The following GRM7 variants were observed in gnomAD, a reference collection of about 807,000 sequenced individuals.
GRM7 encodes the protein metabotropic glutamate receptor 7.
Under a neutral mutation model 84.5 loss-of-function variants are expected in GRM7, and 35 were observed. The ratio of observed to expected loss-of-function variants is 0.41; its 90% CI spans 0.32 to 0.55. The LOEUF (loss-of-function observed/expected upper bound fraction) is 0.55. Ranked by LOEUF, GRM7 falls within the 20% of genes least tolerant of loss-of-function variation. The pLI, the probability that GRM7 is intolerant of heterozygous loss-of-function variation, is 0.19. For missense variants in GRM7, 1,003 were observed against 1,194.6 expected (o/e 0.84, Z 2.36); for synonymous variants, 487 against 455.1 (o/e 1.07, Z -0.89).
At chr3:7,255,462 C>T (rs1235892474) in intron 2 of GRM7, among the ~76,000 whole-genome samples, 1 of 152,188 alleles carries the variant, frequency 6.6e-6, no homozygotes, top group Non-Finnish European at 1.5e-5. Flanking sequence ...ATTGCTTTGA[C>T]AATCCAAACA....
chr3:6,873,402 G>A (rs1021242599), intron 1 of GRM7, among the ~76,000 whole-genome samples: 3 of 152,152 alleles, frequency 2.0e-5, no homozygotes, highest in Non-Finnish European at 4.4e-5. Context: ...TATATATACA[G>A]TATAGCATAG....
In GRM7 at chr3:7,215,620, G is replaced by A. The variant is rs1449254740; in HGVS notation, c.736+68952G>A. Among the ~76,000 whole-genome samples, 10 of 151,992 alleles carry A rather than the reference G, an allele frequency of 6.6e-5. 1 individual carries two copies. The East Asian group carries it at 1.6e-3, about 24-fold the overall frequency. On this transcript the variant is annotated intron_variant, in intron 2 of 9. Transcript: ENST00000357716. The stretch of plus-strand genomic sequence containing the variant: ...GCGGAGCTTGCAGTGAGCTGAGATC[G>A]CGCCACTGCACTCCAGCCTGGGCGA...
chr3:7,556,881 A>G (rs1239205515), intron 7 of GRM7, among the ~76,000 whole-genome samples: 3 of 152,156 alleles, frequency 2.0e-5, no homozygotes, highest in Non-Finnish European at 4.4e-5. Flanking sequence ...CATGAGAGAG[A>G]GCAGAATATG....
intron 7 of GRM7, among the ~76,000 whole-genome samples, chr3:7,545,724 G>A (rs777605444): frequency 6.6e-6 from 1 of 152,180 alleles, no homozygotes; most frequent in African/African-American, 2.4e-5. Flanking sequence ...AGAGAAAGAA[G>A]AAGGCAATTT....
intron 7 of GRM7, among the ~76,000 whole-genome samples, chr3:7,559,959 G>A (rs144804506): frequency 1.2e-3 from 183 of 152,040 alleles, no homozygotes; most frequent in African/African-American, 4.4e-3. Flanking sequence ...TTGGATTAGG[G>A]CCCCACCTGT....
Position 7,687,395 on chromosome 3 carries a change from G to A in GRM7, c.2698+7100G>A, listed in dbSNP as rs370423399. On this transcript the variant is annotated intron_variant, in intron 9 of 9. Coordinates refer to ENST00000357716, the MANE Select transcript of GRM7 (RefSeq NM_000844.4). ...TGTTTCAGCCTAAGCAATATTACAC[G>A]ACAGTGGAAAACAACACTTGCTATG... Among the ~76,000 whole-genome samples, 26 of 152,262 alleles carry A rather than the reference G, an allele frequency of 1.7e-4. No homozygotes were observed. In the South Asian group the frequency reaches 5.0e-3, roughly 29 times the overall value.
chr3:7,151,699 G>GA lies in GRM7; in HGVS notation c.736+5037dup, dbSNP rs911940903. On this transcript the variant is annotated intron_variant, in intron 2 of 9. Transcript: ENST00000357716. The surrounding 1 kb of genome is among the most constrained non-coding windows in gnomAD (Gnocchi z 4.5). The stretch of plus-strand genomic sequence containing the variant: ...TGTGTTTTTCCCCTTTGCCCTTTAG[G>GA]AAAAAAGGAAGCATGTAGAGAAACA... 6.6e-6 allele frequency among the ~76,000 whole-genome samples: 1 copy of GA among 151,864 alleles called. No homozygotes were observed. The highest frequency in any genetic ancestry group is 1.5e-5 in the Non-Finnish European group (1 of 67,976).
intron 1 of GRM7, among the ~76,000 whole-genome samples, chr3:7,135,686 T>C (rs921711319): frequency 4.0e-5 from 6 of 150,372 alleles, no homozygotes; most frequent in Non-Finnish European, 7.4e-5. Context: ...AAGAATATAA[T>C]ATAAAAAAAT....
At chr3:7,304,100 A>G (rs2125029965) in intron 3 of GRM7, among the ~76,000 whole-genome samples, 1 of 152,218 alleles carries the variant, frequency 6.6e-6, no homozygotes, top group South Asian at 2.1e-4. Context: ...AGTGATTTAC[A>G]ACAAATAGCT....
At chr3:6,872,088 G>A (rs1195738699) in intron 1 of GRM7, among the ~76,000 whole-genome samples, 2 of 152,126 alleles carry the variant, frequency 1.3e-5, no homozygotes, top group African/African-American at 4.8e-5. Context: ...GACATGGAAA[G>A]GAAATGTTAC....
In GRM7 at chr3:7,021,951, T is replaced by C. The variant is rs151146873; in HGVS notation, c.520-124501T>C. ...TTACTACACTAAGGGCTTTTTCATA[T>C]AGAAATAAATTACACACAGTATGAA... On this transcript the variant is annotated intron_variant, in intron 1 of 9. Coordinates refer to ENST00000357716, the MANE Select transcript of GRM7 (RefSeq NM_000844.4). Among the ~76,000 whole-genome samples, 49 of 152,308 alleles carry C rather than the reference T, an allele frequency of 3.2e-4. No homozygotes were observed. The East Asian group carries it at 9.3e-3, about 29-fold the overall frequency.
chr3:7,439,207 A>T (rs1412051676), intron 5 of GRM7, among the ~76,000 whole-genome samples: 1 of 152,178 alleles, frequency 6.6e-6, no homozygotes. Context: ...GACAATGACC[A>T]CTTTTTTTCC....
intron 9 of GRM7, among the ~76,000 whole-genome samples, chr3:7,694,661 A>T (rs981178722): frequency 5.9e-5 from 9 of 152,196 alleles, no homozygotes; most frequent in African/African-American, 1.7e-4. Context: ...TTTTCATTTA[A>T]TTTCATAACA....
intron 2 of GRM7, among the ~76,000 whole-genome samples, chr3:7,286,631 AC>A (rs901060723): frequency 2.6e-5 from 4 of 152,068 alleles, no homozygotes; most frequent in African/African-American, 7.2e-5. Flanking sequence ...TTTTTTTGTG[AC>A]CCCAAACATA....
intron 9 of GRM7, among the ~76,000 whole-genome samples, chr3:7,683,404 T>G (rs929954522): frequency 1.3e-5 from 2 of 152,208 alleles, no homozygotes; most frequent in Non-Finnish European, 2.9e-5. Context: ...AATAGAGTCT[T>G]TTTCTCACCA....
At chr3:7,375,393 A>C (rs563526551) in intron 4 of GRM7, among the ~76,000 whole-genome samples, 1 of 151,456 alleles carries the variant, frequency 6.6e-6, no homozygotes. Flanking sequence ...TAATTTTTGT[A>C]TTTTTTAGTA....
At chr3:7,040,341 C>T (rs141210932) in intron 1 of GRM7, among the ~76,000 whole-genome samples, 2,499 of 151,552 alleles carry the variant, frequency 0.016, 74 homozygotes, top group African/African-American at 0.057. Flanking sequence ...CTCGCTCTGT[C>T]GCCCAGGCTG....
intron 1 of GRM7, among the ~76,000 whole-genome samples, chr3:7,066,153 G>C (rs1331729526): frequency 6.6e-6 from 1 of 151,492 alleles, no homozygotes; most frequent in African/African-American, 2.4e-5. Flanking sequence ...CCCAAACCCA[G>C]CAGAAGAAAG....
intron 1 of GRM7, among the ~76,000 whole-genome samples, chr3:6,989,474 T>C (rs1290288285): frequency 1.3e-5 from 2 of 152,364 alleles, no homozygotes; most frequent in East Asian, 1.9e-4. Flanking sequence ...TATATGTTTA[T>C]GGCTATCATA....
Sources: gnomAD v4.1 joint callset for allele counts (sites outside exome capture counted in the v4.1 genomes callset) on GRCh38, gnomAD v4.1.1 for gene constraint, Gnocchi (gnomAD v3.1) non-coding constraint, MANE v1.5 for transcripts, NCBI Gene and HGNC (gene_info 2026-07-23, HGNC 2026-07-21) for gene names.